The following GPAT4 variants were observed in gnomAD, a reference collection of about 807,000 sequenced individuals.
GPAT4 encodes the protein 1-AGP acyltransferase 6.
In GPAT4, 17 loss-of-function variants were observed where a neutral mutation model predicts 58.0. That is an observed-to-expected ratio of 0.29 (90% confidence interval 0.20 to 0.44). The LOEUF (loss-of-function observed/expected upper bound fraction) is 0.44. Among genes scored for constraint, GPAT4 ranks in the 20% least tolerant of loss-of-function variants. The pLI, the probability that GPAT4 is intolerant of heterozygous loss-of-function variation, is 1.00. For missense variants in GPAT4, 377 were observed against 574.5 expected (o/e 0.66, Z 3.51); for synonymous variants, 204 against 210.1 (o/e 0.97, Z 0.25).
rs1478917475 is a variant in GPAT4 at position 41,622,283 on chromosome 8, G to C, written c.*1282G>C. The C allele has an allele frequency of 2.8e-5, 2 of 72,706 alleles. No individual in the cohort carries two copies. The highest frequency in any genetic ancestry group is 5.6e-5 in the Non-Finnish European group (2 of 35,682). The allele number at this position is 72,706 out of a possible 1,614,324, so 4.5% of individuals were successfully genotyped here. A position where few individuals can be genotyped will look rare whatever the true frequency, so the allele number is the denominator to read the frequency against. ...CTGTGCTGCATGGTGGCTTCTGCAGGGGAGGGACAGGGGAGGGCTGCAGAG... is the reference window on the plus strand; with the variant it reads ...CTGTGCTGCATGGTGGCTTCTGCAGCGGAGGGACAGGGGAGGGCTGCAGAG... On this transcript the variant is annotated 3_prime_UTR_variant, in exon 13 of 13. Coordinates refer to ENST00000396987, the MANE Select transcript of GPAT4 (RefSeq NM_178819.4).
At chr8:41,582,153 G>A (rs1430884376) in intron 1 of GPAT4, among the ~76,000 whole-genome samples, 1 of 151,120 alleles carries the variant, frequency 6.6e-6, no homozygotes, top group Non-Finnish European at 1.5e-5. Context: ...ACAGGCATGC[G>A]CCACCACGCC....
chr8:41,617,982 T>A lies in GPAT4; in HGVS notation c.1054-702T>A, dbSNP rs911719713. On this transcript the variant is annotated intron_variant, in intron 10 of 12. Coordinates refer to ENST00000396987, the MANE Select transcript of GPAT4 (RefSeq NM_178819.4). ...GCTACTTGTTTGGTGAGAATGTGGG[T>A]CACAGCTGCAGCTACATTTTCTGCA... 1.1e-4 allele frequency among the ~76,000 whole-genome samples: 16 copies of A among 152,196 alleles called. 1 individual carries two copies. Among genetic ancestry groups the A allele is most frequent in the Non-Finnish European group, 4.4e-5 (3 of 68,030 alleles).
chr8:41,606,855 C>T (rs1484467937), intron 2 of GPAT4, among the ~76,000 whole-genome samples: 1 of 152,136 alleles, frequency 6.6e-6, no homozygotes, highest in Admixed American at 6.6e-5. Flanking sequence ...CCTTTAAAGG[C>T]GTCTGACTCT....
At chr8:41,619,372 A>G (rs1020801789) in intron 12 of GPAT4, 8 of 241,814 alleles carry the variant, frequency 3.3e-5, no homozygotes, top group Non-Finnish European at 5.7e-5. Flanking sequence ...TGTTTGGTGT[A>G]TTCAGCTTGT....
Position 41,624,283 on chromosome 8 carries a change from C to T in GPAT4, c.*3282C>T, listed in dbSNP as rs1421049379. 1 of 152,246 alleles carries T rather than the reference C, an allele frequency of 6.6e-6. No homozygotes were observed. The highest frequency in any genetic ancestry group is 1.5e-5 in the Non-Finnish European group (1 of 68,068). The allele number at this position is 152,246 out of a possible 1,614,324, so 9.4% of individuals were successfully genotyped here. Reference sequence around the variant, plus strand: ...GTGTGAGGGGTCAGGGGGAGTGCTCCAGATCCCTGAAATGCCCTTCCCAGA... The same window carrying T: ...GTGTGAGGGGTCAGGGGGAGTGCTCTAGATCCCTGAAATGCCCTTCCCAGA... On this transcript the variant is annotated 3_prime_UTR_variant, in exon 13 of 13. Coordinates refer to ENST00000396987, the MANE Select transcript of GPAT4 (RefSeq NM_178819.4).
chr8:41,595,779 ACTCCGTCTTTGT>A (rs1364333543), intron 1 of GPAT4, among the ~76,000 whole-genome samples: 1 of 145,570 alleles, frequency 6.9e-6, no homozygotes, highest in Non-Finnish European at 1.5e-5. Flanking sequence ...TCCCTCCTTG[ACTCCGTCTTTGT>A]CTCTCCCCCT....
At chr8:41,608,537 C>T (rs529412486) in intron 2 of GPAT4, among the ~76,000 whole-genome samples, 2 of 152,324 alleles carry the variant, frequency 1.3e-5, no homozygotes, top group East Asian at 3.9e-4. Flanking sequence ...TGTCTTATAC[C>T]AGCGAAACCA....
At chr8:41,580,243 A>G (rs1563265478) in intron 1 of GPAT4, among the ~76,000 whole-genome samples, 1 of 152,242 alleles carries the variant, frequency 6.6e-6, no homozygotes, top group Non-Finnish European at 1.5e-5. Context: ...TAGAAGTGGT[A>G]TACCAGTTTG....
chr8:41,624,823 G>A lies in GPAT4; in HGVS notation c.*3822G>A, dbSNP rs992875427. On this transcript the variant is annotated 3_prime_UTR_variant, in exon 13 of 13. Transcript: ENST00000396987. ...AGGGGTGGCACCTGGCGTGTGTTGC[G>A]GGGGTGATTGCGCTGGCTGCCGGGG... The A allele has an allele frequency of 3.3e-5, 5 of 152,082 alleles. No individual in the cohort carries two copies. Among genetic ancestry groups the A allele is most frequent in the African/African-American group, 7.2e-5 (3 of 41,400 alleles). 9.4% of individuals were successfully genotyped at this position (152,082 alleles called of 1,614,324 possible). A position where few individuals can be genotyped will look rare whatever the true frequency, so the allele number is the denominator to read the frequency against.
intron 1 of GPAT4, among the ~76,000 whole-genome samples, chr8:41,590,962 A>G (rs771632084): frequency 3.9e-5 from 6 of 152,222 alleles, no homozygotes; most frequent in Admixed American, 1.3e-4. Flanking sequence ...GCCATAGTCA[A>G]GAACCCCTCA....
chr8:41,599,664 C>G (rs1803028863), intron 2 of GPAT4, among the ~76,000 whole-genome samples: 1 of 152,186 alleles, frequency 6.6e-6, no homozygotes, highest in Non-Finnish European at 1.5e-5. Flanking sequence ...CATGGGAGAG[C>G]CTCTTCTCTT....
chr8:41,610,884 G>T, intron 5 of GPAT4, 74 bp downstream of exon 5: 1 of 1,458,388 alleles, frequency 6.9e-7, no homozygotes, highest in Non-Finnish European at 9.3e-7. Context: ...CGAAGGCAAG[G>T]ACACTTCTTT....
chr8:41,606,011 G>A (rs1022218222), intron 2 of GPAT4, among the ~76,000 whole-genome samples: 2 of 152,210 alleles, frequency 1.3e-5, no homozygotes, highest in African/African-American at 2.4e-5. Flanking sequence ...AGCTGGGTGA[G>A]AGCATCCTCT....
chr8:41,584,731 C>T (rs1802607340), intron 1 of GPAT4: 1 of 152,112 alleles, frequency 6.6e-6, no homozygotes, highest in African/African-American at 2.4e-5. Context: ...ATCAAAATAG[C>T]CTCTTTTTTT....
Position 41,620,998 on chromosome 8 carries a change from C to G in GPAT4, c.1368C>G (p.Ser456=), listed in dbSNP as rs922474307. The change falls in exon 13 of 13, where the codon TCC becomes TCG. Residue 456 remains serine, a synonymous_variant. Coordinates refer to ENST00000396987, the MANE Select transcript of GPAT4 (RefSeq NM_178819.4). ...GGAACCACAAGGACAGGAGCCGCTC[C>G]TGAGCCTGCCTCCAGCTGGCTGGGG... is the stretch of plus-strand genomic sequence containing the variant. ...IVGNHKDRSR[S] is the part of the protein sequence containing the mutation. 7.1e-6 allele frequency: 11 copies of G among 1,550,846 alleles called. No individual in the cohort carries two copies. The highest frequency in any genetic ancestry group is 8.7e-6 in the Non-Finnish European group (10 of 1,147,042).
chr8:41,587,530 G>T (rs1202753244), intron 1 of GPAT4, among the ~76,000 whole-genome samples: 3 of 152,152 alleles, frequency 2.0e-5, no homozygotes, highest in Admixed American at 1.3e-4. Context: ...AAAATACAGG[G>T]TTTATACACT....
intron 1 of GPAT4, among the ~76,000 whole-genome samples, chr8:41,580,594 G>A (rs1382444178): frequency 6.6e-6 from 1 of 152,176 alleles, no homozygotes; most frequent in Non-Finnish European, 1.5e-5. Context: ...CTGGGAACAA[G>A]CAAGTCCTCA....
intron 1 of GPAT4, among the ~76,000 whole-genome samples, chr8:41,581,946 T>TAA (rs536635092): frequency 0.13 from 16,187 of 126,174 alleles, 1,175 homozygotes; most frequent in South Asian, 0.16. Flanking sequence ...TTGTTTGAAT[T>TAA]AAAAAAAAAA....
At chr8:41,586,800 TTCTCAG>T (rs1224534462) in intron 1 of GPAT4, among the ~76,000 whole-genome samples, 4 of 152,242 alleles carry the variant, frequency 2.6e-5, no homozygotes, top group African/African-American at 7.2e-5. Context: ...GATGGTTGTC[TTCTCAG>T]TTTCAGTTGT....
Sources: gnomAD v4.1 joint callset for allele counts (sites outside exome capture counted in the v4.1 genomes callset) on GRCh38, gnomAD v4.1.1 for gene constraint, MANE v1.5 for transcripts, NCBI Gene and HGNC (gene_info 2026-07-23, HGNC 2026-07-21) for gene names.